EYA2: variants seen among roughly 807,000 people sequenced by gnomAD.
EYA2 encodes the protein EYA transcriptional coactivator and phosphatase 2.
A neutral mutation model predicts 69.2 loss-of-function variants in EYA2; 31 were observed. The observed-to-expected ratio is 0.45, with a 90% CI of 0.34 to 0.60. EYA2 has a LOEUF of 0.60. Ranked by LOEUF, EYA2 falls within the 20% of genes least tolerant of loss-of-function variation. EYA2 has a pLI of 0.02. For synonymous variants in EYA2, 257 were observed against 279.4 expected, an observed-to-expected ratio of 0.92 and a Z score of 0.80; for missense variants, 622 against 701.2, an observed-to-expected ratio of 0.89 and a Z score of 1.28.
At chr20:47,147,607 T>C (rs1165357776) in intron 10 of EYA2, among the ~76,000 whole-genome samples, 2 of 152,166 alleles carry the variant, frequency 1.3e-5, no homozygotes, top group Non-Finnish European at 1.5e-5. Context: ...CAAAAGCCAC[T>C]GGAGGGTTTG....
chr20:47,184,070 C>G (rs970650612), intron 15 of EYA2, among the ~76,000 whole-genome samples: 12 of 152,174 alleles, frequency 7.9e-5, no homozygotes, highest in Admixed American at 5.2e-4. Context: ...GAGGGAAGCC[C>G]TAGGGTCCTG....
intron 3 of EYA2, among the ~76,000 whole-genome samples, chr20:47,004,576 C>T (rs1982579813): frequency 6.6e-6 from 1 of 152,166 alleles, no homozygotes; most frequent in Admixed American, 6.5e-5. Context: ...CAGGGTGTTT[C>T]CGTATCATGG....
chr20:47,139,696 C>T (rs1443156245), intron 9 of EYA2, among the ~76,000 whole-genome samples: 3 of 152,204 alleles, frequency 2.0e-5, no homozygotes, highest in Admixed American at 6.5e-5. Flanking sequence ...TCCCAAAGCA[C>T]TGGATTACAG....
intron 1 of EYA2, chr20:46,978,714 G>T: frequency 1.9e-6 from 1 of 533,900 alleles, no homozygotes; most frequent in Non-Finnish European, 3.8e-6. Flanking sequence ...GGTGGCCCCA[G>T]GGAGGTGGGC....
At chr20:47,183,439 C>A in intron 15 of EYA2, 48 bp downstream of exon 15, 4 of 1,554,894 alleles carry the variant, frequency 2.6e-6, no homozygotes, top group Non-Finnish European at 3.5e-6. Flanking sequence ...TTTCGAGCAC[C>A]CCTCGTGGTC....
intron 5 of EYA2, among the ~76,000 whole-genome samples, chr20:47,032,748 G>A (rs1010648663): frequency 2.0e-5 from 3 of 152,064 alleles, no homozygotes; most frequent in Non-Finnish European, 4.4e-5. Context: ...TGTGAAATGG[G>A]GTTTATAGGA....
At chr20:46,905,149 G>A (rs1285305610) in intron 1 of EYA2, among the ~76,000 whole-genome samples, 1 of 151,808 alleles carries the variant, frequency 6.6e-6, no homozygotes, top group Admixed American at 6.6e-5. Context: ...GCTCACAGGA[G>A]TTATTATGTG....
chr20:47,163,831 C>T (rs1395764631), intron 10 of EYA2, among the ~76,000 whole-genome samples: 1 of 151,962 alleles, frequency 6.6e-6, no homozygotes, highest in Admixed American at 6.6e-5. Context: ...TCCAGTTTCT[C>T]ACCAGGATGA....
chr20:47,083,589 A>AAG (rs1274968055), intron 7 of EYA2, among the ~76,000 whole-genome samples: 35 of 151,824 alleles, frequency 2.3e-4, no homozygotes, highest in Admixed American at 1.6e-3. Flanking sequence ...AAAAAAAAAA[A>AAG]AAAAATCGTG....
chr20:46,964,967 G>C (rs550375696), intron 1 of EYA2, among the ~76,000 whole-genome samples: 2 of 152,294 alleles, frequency 1.3e-5, no homozygotes, highest in Admixed American at 1.3e-4. Flanking sequence ...CTGGAGCTTA[G>C]GACGTGCTAG....
chr20:46,916,194 A>AT lies in EYA2; in HGVS notation c.-11+21214dup, dbSNP rs1163740708. Reference sequence around the variant, plus strand: ...CGTGCCAAGGCCATAGTTTCCACTTATTTTTTTAAGGCAGCATTAAACTTA... The same window carrying AT: ...CGTGCCAAGGCCATAGTTTCCACTTATTTTTTTTAAGGCAGCATTAAACTTA... On this transcript the variant is annotated intron_variant, in intron 1 of 15. Coordinates refer to ENST00000327619, the MANE Select transcript of EYA2 (RefSeq NM_005244.5). Among the ~76,000 whole-genome samples, 4 of 152,046 alleles carry AT rather than the reference A, an allele frequency of 2.6e-5. No homozygotes were observed. In the East Asian group the frequency reaches 7.7e-4, roughly 29 times the overall value.
chr20:47,108,386 C>T (rs982658355), intron 9 of EYA2, among the ~76,000 whole-genome samples: 2 of 152,146 alleles, frequency 1.3e-5, no homozygotes, highest in Non-Finnish European at 2.9e-5. Context: ...TGCTTTCCAC[C>T]ATGAGTGGAA....
intron 12 of EYA2, among the ~76,000 whole-genome samples, chr20:47,176,276 C>T (rs916057529): frequency 5.3e-5 from 8 of 151,354 alleles, no homozygotes; most frequent in African/African-American, 1.7e-4. Flanking sequence ...GATGAGGTTT[C>T]ACCATGTTGG....
At chr20:47,057,071 GGGAGGGAGGGAGGAAGGAAGAAAGGAA>G (rs2030651880) in intron 5 of EYA2, among the ~76,000 whole-genome samples, 1 of 143,244 alleles carries the variant, frequency 7.0e-6, no homozygotes, top group Non-Finnish European at 1.5e-5. Flanking sequence ...AAAGAAGGGA[GGGAGGGAGGGAGGAAGGAAGAAAGGAA>G]GGAGGGAGGG....
At chr20:47,058,025 C>G (rs1424319298) in intron 5 of EYA2, among the ~76,000 whole-genome samples, 1 of 152,224 alleles carries the variant, frequency 6.6e-6, no homozygotes, top group African/African-American at 2.4e-5. Flanking sequence ...GCTATTATTA[C>G]TAGTTCATTA....
intron 11 of EYA2, 133 bp from the exon 12 acceptor site, chr20:47,172,574 C>A: frequency 2.5e-6 from 2 of 801,858 alleles, no homozygotes; most frequent in South Asian, 2.0e-5. Flanking sequence ...ACACTCGCAG[C>A]ACCCTGTGCA....
chr20:47,044,492 G>A (rs1012233463), intron 5 of EYA2, among the ~76,000 whole-genome samples: 1 of 152,074 alleles, frequency 6.6e-6, no homozygotes, highest in Non-Finnish European at 1.5e-5. Context: ...GAAACGCTAT[G>A]AATGAGGAAC....
intron 1 of EYA2, among the ~76,000 whole-genome samples, chr20:46,897,018 T>A (rs553646908): frequency 2.4e-4 from 36 of 151,812 alleles, no homozygotes; most frequent in Admixed American, 5.9e-4. Context: ...AGGATTTTTT[T>A]AAAAAGTTTT....
At chr20:47,174,484 C>T (rs1396672820) in intron 12 of EYA2, among the ~76,000 whole-genome samples, 10 of 152,352 alleles carry the variant, frequency 6.6e-5, no homozygotes, top group African/African-American at 2.2e-4. Context: ...GCATTTGTCA[C>T]GAGTTGCTCT....
Sources: gnomAD v4.1 joint callset for allele counts (sites outside exome capture counted in the v4.1 genomes callset) on GRCh38, gnomAD v4.1.1 for gene constraint, MANE v1.5 for transcripts, NCBI Gene and HGNC (gene_info 2026-07-23, HGNC 2026-07-21) for gene names.